The following USH2A variants were observed in gnomAD, a reference collection of about 807,000 sequenced individuals.
The protein encoded by USH2A is usherin, also known as Usher syndrome 2A (autosomal recessive, mild).
In USH2A, 443 loss-of-function variants were observed where a neutral mutation model predicts 538.9. That is an observed-to-expected ratio of 0.82 (90% CI 0.76 to 0.89). The LOEUF is 0.89. Among genes scored for constraint, USH2A ranks in the 40% least tolerant of loss-of-function variants. USH2A has a pLI of 0.00. For missense variants in USH2A, 6,633 were observed against 6,324.8 expected (o/e 1.05, Z -1.65); for synonymous variants, 2,413 against 2,273.5 (o/e 1.06, Z -1.75).
intron 9 of USH2A, among the ~76,000 whole-genome samples, chr1:216,294,469 T>G (rs1571671504): frequency 6.6e-6 from 1 of 151,974 alleles, no homozygotes; most frequent in Non-Finnish European, 1.5e-5. Context: ...TTTGCTGCAT[T>G]ATTTCTTATA....
intron 37 of USH2A, among the ~76,000 whole-genome samples, chr1:215,958,510 C>T (rs1053631808): frequency 1.3e-5 from 2 of 152,082 alleles, no homozygotes. Flanking sequence ...TCCCAAAGAG[C>T]AAACACTTGA....
chr1:216,106,602 C>G (rs2032741801), intron 21 of USH2A, among the ~76,000 whole-genome samples: 1 of 151,378 alleles, frequency 6.6e-6, no homozygotes, highest in Non-Finnish European at 1.5e-5. Flanking sequence ...TCTCCATTCC[C>G]CAACACCCAT....
In USH2A at chr1:215,749,482, A is replaced by G. The variant is rs112908764; in HGVS notation, c.11390-6147T>C. ...GTGAACACGTAAAACACTGGCATGC[A>G]TTTAGGAAAGTGGGCCCCCTCCACT... On this transcript the variant is annotated intron_variant, in intron 58 of 71. Transcript: ENST00000307340. Among the ~76,000 whole-genome samples the G allele has an allele frequency of 1.1e-3, 162 of 152,330 alleles. 1 individual carries two copies. Among genetic ancestry groups the G allele is most frequent in the African/African-American group, 3.8e-3 (157 of 41,578 alleles).
intron 21 of USH2A, among the ~76,000 whole-genome samples, chr1:216,111,987 T>G (rs578255119): frequency 6.6e-6 from 1 of 152,120 alleles, no homozygotes; most frequent in African/African-American, 2.4e-5. Context: ...ATTTAAATTA[T>G]GCAAAACAGT....
chr1:216,244,265 C>T (rs982594819), intron 13 of USH2A, among the ~76,000 whole-genome samples: 1 of 152,104 alleles, frequency 6.6e-6, no homozygotes, highest in African/African-American at 2.4e-5. Flanking sequence ...AGTGAAGTGG[C>T]TGCAGTGACT....
At chr1:215,634,831 G>C in intron 69 of USH2A, 128 bp from the exon 70 acceptor site, 2 of 1,486,632 alleles carry the variant, frequency 1.3e-6, no homozygotes, top group South Asian at 2.3e-5. Flanking sequence ...CTTACTGCTT[G>C]TTTGCACTTG....
Position 216,421,971 on chromosome 1 carries a change from G to A in USH2A, c.366C>T (p.Ser122=), listed in dbSNP as rs749609528. The change falls in exon 2 of 72, where the codon AGC becomes AGT. Residue 122 remains serine, a synonymous_variant. Coordinates refer to ENST00000307340, the MANE Select transcript of USH2A (RefSeq NM_206933.4). ...TTCCAAAAATAAAACTTGCAGAATTGCTATGGGCGTTAGGATGCAGATCAT... is the reference window on the plus strand; with the variant it reads ...TTCCAAAAATAAAACTTGCAGAATTACTATGGGCGTTAGGATGCAGATCAT... ...DKNDLHPNAH[S]NSASFIFGNH... is the part of the protein sequence containing the mutation. 2 of 1,613,932 alleles carry A rather than the reference G, an allele frequency of 1.2e-6. No individual in the cohort carries two copies. Among genetic ancestry groups the A allele is most frequent in the Non-Finnish European group, 1.7e-6 (2 of 1,179,910 alleles).
At chr1:215,926,897 C>G (rs769328889) in intron 38 of USH2A, among the ~76,000 whole-genome samples, 38 of 152,052 alleles carry the variant, frequency 2.5e-4, no homozygotes, top group African/African-American at 8.9e-4. Flanking sequence ...CGTGAGCCAC[C>G]GCGCCCAGCC....
At chr1:215,885,015 T>G (rs1027850931) in intron 41 of USH2A, among the ~76,000 whole-genome samples, 1 of 147,760 alleles carries the variant, frequency 6.8e-6, no homozygotes, top group Non-Finnish European at 1.5e-5. Flanking sequence ...ATAAAAGAAG[T>G]TTTTTTTTTC....
intron 27 of USH2A, among the ~76,000 whole-genome samples, chr1:216,073,765 C>G (rs1368319214): frequency 6.6e-6 from 1 of 152,200 alleles, no homozygotes; most frequent in Non-Finnish European, 1.5e-5. Flanking sequence ...AAAATACACT[C>G]TGAGCATTTT....
At chr1:215,934,868 C>T in intron 37 of USH2A, 73 bp from the exon 38 acceptor site, 1 of 1,411,244 alleles carries the variant, frequency 7.1e-7, no homozygotes, top group Non-Finnish European at 9.7e-7. Context: ...TGAGTATTTT[C>T]TTGAGTTTCT....
At chr1:215,924,780 T>A (rs1212339034) in intron 38 of USH2A, among the ~76,000 whole-genome samples, 1 of 152,094 alleles carries the variant, frequency 6.6e-6, no homozygotes, top group Non-Finnish European at 1.5e-5. Flanking sequence ...GTGATTTTAT[T>A]TTATTTTTTT....
At chr1:215,698,072 G>A (rs1209355014) in intron 61 of USH2A, among the ~76,000 whole-genome samples, 1 of 152,134 alleles carries the variant, frequency 6.6e-6, no homozygotes, top group Admixed American at 6.6e-5. Context: ...GTGAGAACAT[G>A]TGGTGTTTGG....
chr1:215,865,245 T>C (rs1343599496), intron 44 of USH2A, among the ~76,000 whole-genome samples: 1 of 152,156 alleles, frequency 6.6e-6, no homozygotes, highest in Non-Finnish European at 1.5e-5. Context: ...GAGTTAACCT[T>C]TGTGCTCACA....
rs182186108 is a variant in USH2A, at chr1:216,025,611, A to T, written c.6325+20820T>A. On this transcript the variant is annotated intron_variant, in intron 32 of 71. Transcript: ENST00000307340. ...TTTTATGAAATGTTTTTTCAGAGGA[A>T]GTTTTCAATAGATGCTGTATTTGAG... Among the ~76,000 whole-genome samples the T allele has an allele frequency of 3.7e-3, 563 of 152,176 alleles. 2 individuals are homozygous for T. The highest frequency in any genetic ancestry group is 0.01 in the South Asian group (50 of 4,828).
At chr1:216,409,840 G>A (rs1394375755) in intron 3 of USH2A, among the ~76,000 whole-genome samples, 1 of 151,790 alleles carries the variant, frequency 6.6e-6, no homozygotes, top group African/African-American at 2.4e-5. Flanking sequence ...TTTCACGACA[G>A]AGATGCCAAA....
At chr1:216,070,079 T>C in intron 30 of USH2A, 22 bp downstream of exon 30, 1 of 1,613,248 alleles carries the variant, frequency 6.2e-7, no homozygotes, top group South Asian at 1.1e-5. Flanking sequence ...TAGGGTCTAC[T>C]CTGTTAAAGG....
chr1:215,706,489 C>T (rs1659186783), intron 61 of USH2A, among the ~76,000 whole-genome samples: 1 of 152,002 alleles, frequency 6.6e-6, no homozygotes, highest in Non-Finnish European at 1.5e-5. Context: ...AATATGATGA[C>T]TGTTGAGGCT....
chr1:216,075,509 G>T (rs2031715177), intron 27 of USH2A, among the ~76,000 whole-genome samples: 1 of 152,106 alleles, frequency 6.6e-6, no homozygotes, highest in Non-Finnish European at 1.5e-5. Context: ...TGCCTAAAAG[G>T]CGGCCCAGAG....
Sources: gnomAD v4.1 joint callset for allele counts (sites outside exome capture counted in the v4.1 genomes callset) on GRCh38, gnomAD v4.1.1 for gene constraint, MANE v1.5 for transcripts, NCBI Gene and HGNC (gene_info 2026-07-23, HGNC 2026-07-21) for gene names.